Variants in ZC3H14 observed in about 807,000 individuals in gnomAD.
ZC3H14 encodes the protein zinc finger CCCH domain-containing protein 14.
Under a neutral mutation model 92.4 loss-of-function variants are expected in ZC3H14, and 31 were observed. The observed-to-expected ratio is 0.34, with a 90% confidence interval of 0.25 to 0.45. ZC3H14 has a LOEUF of 0.45. Ranked by LOEUF, ZC3H14 falls within the 20% of genes least tolerant of loss-of-function variation. The pLI is 1.00. For synonymous variants in ZC3H14, 321 were observed against 300.9 expected (o/e 1.07, Z -0.69); for missense variants, 781 against 897.3 (o/e 0.87, Z 1.66).
rs2083694989 is a variant in ZC3H14 at position 88,595,544 on chromosome 14, G to A, written c.1280-1190G>A. Among the ~76,000 whole-genome samples the A allele has an allele frequency of 3.9e-5, 6 of 152,132 alleles. 1 individual carries two copies. The South Asian group carries it at 1.2e-3, about 31-fold the overall frequency. ...CAAGCTTCCCACAGGAATGCAACTT[G>A]ACCTAAGTGTCATCTTCGTTACAGT... On this transcript the variant is annotated intron_variant, in intron 9 of 16. Transcript: ENST00000251038.
chr14:88,564,060 C>T (rs1459229344), intron 2 of ZC3H14, among the ~76,000 whole-genome samples: 1 of 152,168 alleles, frequency 6.6e-6, no homozygotes, highest in Non-Finnish European at 1.5e-5. Context: ...ACCTTAGCCT[C>T]CCTAGGTGCT....
chr14:88,595,176 T>C, intron 9 of ZC3H14: 6 of 1,593,238 alleles, frequency 3.8e-6, no homozygotes, highest in Non-Finnish European at 5.1e-6. Context: ...TCCACGTATG[T>C]TGACTGTAGC....
At chr14:88,578,187 A>G (rs1377060218) in intron 9 of ZC3H14, 47 bp downstream of exon 9, 6 of 1,600,920 alleles carry the variant, frequency 3.7e-6, no homozygotes, top group Non-Finnish European at 4.3e-6. Flanking sequence ...TTTTTTCATG[A>G]GGCATTGAAT....
intron 8 of ZC3H14, among the ~76,000 whole-genome samples, chr14:88,577,663 G>C (rs373103281): frequency 3.3e-5 from 5 of 152,024 alleles, no homozygotes; most frequent in South Asian, 4.2e-4. Flanking sequence ...TCCGCCTTCC[G>C]GGTTTAAGCA....
intron 10 of ZC3H14, among the ~76,000 whole-genome samples, chr14:88,600,665 C>G (rs1292368726): frequency 6.6e-6 from 1 of 151,970 alleles, no homozygotes; most frequent in African/African-American, 2.4e-5. Flanking sequence ...TTGCCTAGGC[C>G]GGTCTCAAAC....
intron 3 of ZC3H14, among the ~76,000 whole-genome samples, chr14:88,568,959 G>A (rs1317554965): frequency 6.6e-6 from 1 of 151,992 alleles, no homozygotes; most frequent in African/African-American, 2.4e-5. Context: ...ATGGCTCGCT[G>A]CAGCCTCGAT....
chr14:88,566,660 C>T (rs2079666734), intron 2 of ZC3H14, among the ~76,000 whole-genome samples: 1 of 152,166 alleles, frequency 6.6e-6, no homozygotes, highest in African/African-American at 2.4e-5. Flanking sequence ...TGGTTCACGC[C>T]TGTAATCACA....
Position 88,605,677 on chromosome 14 carries a change from A to C in ZC3H14, c.1748-1566A>C, listed in dbSNP as rs534909407. Among the ~76,000 whole-genome samples, 16 of 152,286 alleles carry C rather than the reference A, an allele frequency of 1.1e-4. No homozygotes were observed. The East Asian group carries it at 3.1e-3, about 29-fold the overall frequency. ...TTTACTATTTTTAAAGTAGCATAGA[A>C]AACTGTTTGTATCAGGCATAGTCAT... On this transcript the variant is annotated intron_variant, in intron 12 of 16. Transcript: ENST00000251038.
chr14:88,620,933 T>TAA lies in ZC3H14; in HGVS notation c.*9182_*9183insAA. ...TCACTTTGTTTAACATCTTCTGCAT[T>TAA]TAAAAAAAAAAAAAAAAAGAGTCAT... On this transcript the variant is annotated 3_prime_UTR_variant, in exon 17 of 17. Transcript: ENST00000251038. This position sits in a 1 kb window ranked among gnomAD's most constrained non-coding sequence, Gnocchi z 4.3. The TAA allele has an allele frequency of 1.4e-6, 2 of 1,429,300 alleles. No individual in the cohort carries two copies. The highest frequency in any genetic ancestry group is 1.7e-5 in the African/African-American group (1 of 59,814). 88.5% of individuals were successfully genotyped at this position (1,429,300 alleles called of 1,614,324 possible).
chr14:88,601,261 ATTAAC>A (rs1353173831), intron 10 of ZC3H14, among the ~76,000 whole-genome samples: 3 of 152,164 alleles, frequency 2.0e-5, no homozygotes, highest in Non-Finnish European at 4.4e-5. Context: ...AAAGAAGTGT[ATTAAC>A]TTCAGTCCGT....
chr14:88,579,254 A>C, intron 9 of ZC3H14, among the ~76,000 whole-genome samples: 1 of 152,142 alleles, frequency 6.6e-6, no homozygotes, highest in East Asian at 1.9e-4. Context: ...TCTCTTTAAA[A>C]ATTTTTGACT....
intron 9 of ZC3H14, among the ~76,000 whole-genome samples, chr14:88,581,902 G>T (rs2081955216): frequency 6.6e-6 from 1 of 152,154 alleles, no homozygotes; most frequent in South Asian, 2.1e-4. Flanking sequence ...TTGAAAACTG[G>T]GTAAATAAAA....
Position 88,572,851 on chromosome 14 carries a change from A to G in ZC3H14, c.705A>G (p.Gln235=), listed in dbSNP as rs771156526. The G allele has an allele frequency of 1.2e-6, 2 of 1,614,200 alleles. No homozygotes were observed. Among genetic ancestry groups the G allele is most frequent in the Non-Finnish European group, 8.5e-7 (1 of 1,180,038 alleles). Residue 235 remains glutamine (Q), a synonymous_variant, in exon 6 of 17, where the codon CAA becomes CAG. Coordinates refer to ENST00000251038, the MANE Select transcript of ZC3H14 (RefSeq NM_024824.5). ...SGVHLNRLQF[Q]QQQNSIHAAK... Reference sequence around the variant, plus strand: ...TTCATTTAAACAGGTTGCAATTTCAACAGCAGCAGAATAGTATTCATGCTG... The same window carrying G: ...TTCATTTAAACAGGTTGCAATTTCAGCAGCAGCAGAATAGTATTCATGCTG...
intron 9 of ZC3H14, chr14:88,592,122 A>G (rs1390637250): frequency 6.6e-6 from 1 of 152,226 alleles, no homozygotes; most frequent in Non-Finnish European, 1.5e-5. Flanking sequence ...TATGGGTGCC[A>G]TCAGATGGGC....
intron 4 of ZC3H14, 149 bp from the exon 5 acceptor site, chr14:88,571,881 T>A (rs2080456215): frequency 5.8e-6 from 3 of 516,038 alleles, no homozygotes; most frequent in Non-Finnish European, 6.2e-6. Flanking sequence ...GGAGAATCGC[T>A]TGAACCAGGG....
Position 88,575,836 on chromosome 14 carries a change from T to G in ZC3H14, c.1023-4T>G, listed in dbSNP as rs1469602. 0.69 allele frequency: 1,105,158 copies of G among 1,609,752 alleles called. 392,062 individuals carry two copies. Among genetic ancestry groups the G allele is most frequent in the Non-Finnish European group, 0.74 (870,019 of 1,176,726 alleles). Reference sequence around the variant, plus strand: ...AATAAAAATACCTTTCTTAACTCTTTTAGACCTTCTCTTCCACCTTCTAAA... The same window carrying G: ...AATAAAAATACCTTTCTTAACTCTTGTAGACCTTCTCTTCCACCTTCTAAA... On this transcript the variant is annotated splice_region_variant and splice_polypyrimidine_tract_variant and intron_variant, in intron 7 of 16. Coordinates refer to ENST00000251038, the MANE Select transcript of ZC3H14 (RefSeq NM_024824.5).
intron 9 of ZC3H14, among the ~76,000 whole-genome samples, chr14:88,579,215 G>C (rs1379948484): frequency 6.6e-6 from 1 of 151,978 alleles, no homozygotes; most frequent in Non-Finnish European, 1.5e-5. Context: ...TTTCAGAATT[G>C]TCAATTCTGT....
intron 3 of ZC3H14, among the ~76,000 whole-genome samples, chr14:88,570,628 CAG>C (rs930432073): frequency 7.9e-5 from 12 of 152,234 alleles, no homozygotes; most frequent in African/African-American, 2.6e-4. Flanking sequence ...TACTTACAAA[CAG>C]GGTGACATAT....
chr14:88,626,979 T>A lies in ZC3H14; in HGVS notation c.*15228T>A, dbSNP rs979939739. The A allele has an allele frequency of 1.4e-5, 23 of 1,613,876 alleles. No homozygotes were observed. In the East Asian group the frequency reaches 5.1e-4, roughly 36 times the overall value. ...CTCCCACTGAGACAAACTGGGTATC[T>A]GAATCTGGTCGGAATTCTGCCACAA... On this transcript the variant is annotated 3_prime_UTR_variant, in exon 17 of 17. Transcript: ENST00000251038.
Sources: allele counts gnomAD v4.1 joint callset (sites outside exome capture counted in the v4.1 genomes callset), GRCh38; gene constraint gnomAD v4.1.1; non-coding constraint Gnocchi (gnomAD v3.1); transcripts MANE v1.5; gene names NCBI Gene and HGNC (gene_info 2026-07-23, HGNC 2026-07-21).